SYNJ2: variants seen among roughly 807,000 people sequenced by gnomAD.
The protein encoded by SYNJ2 is synaptojanin 2.
A neutral mutation model predicts 141.3 loss-of-function variants in SYNJ2; 116 were observed. The observed-to-expected ratio is 0.82, with a 90% CI of 0.71 to 0.96. SYNJ2 has a LOEUF of 0.96. Ranked by LOEUF, SYNJ2 falls within the 40% of genes least tolerant of loss-of-function variation. The pLI, the probability that SYNJ2 is intolerant of heterozygous loss-of-function variation, is 0.00. For synonymous variants in SYNJ2, 745 were observed against 777.7 expected (o/e 0.96, Z 0.70); for missense variants, 1,873 against 1,934.8 (o/e 0.97, Z 0.60).
At chr6:157,986,997 C>A (rs888399272) in intron 1 of SYNJ2, among the ~76,000 whole-genome samples, 1 of 150,722 alleles carries the variant, frequency 6.6e-6, no homozygotes, top group Non-Finnish European at 1.5e-5. Context: ...AAATTATTAT[C>A]GTTTTTTGAG....
chr6:157,992,199 A>G (rs1347515764), intron 1 of SYNJ2, among the ~76,000 whole-genome samples: 1 of 152,086 alleles, frequency 6.6e-6, no homozygotes, highest in Admixed American at 6.6e-5. Context: ...GCTATCAAGT[A>G]CCAGTTCTTA....
chr6:158,079,052 C>T (rs543481736), intron 18 of SYNJ2: 24 of 152,520 alleles, frequency 1.6e-4, no homozygotes, highest in African/African-American at 5.1e-4. Context: ...ACCTTGGCCT[C>T]TCAAAGTGTT....
At chr6:158,023,264 TAAAAA>T (rs112882268) in intron 2 of SYNJ2, among the ~76,000 whole-genome samples, 1 of 125,376 alleles carries the variant, frequency 8.0e-6, no homozygotes, top group African/African-American at 2.9e-5. Flanking sequence ...TCTCTAAATT[TAAAAA>T]AAAAAAAAAA....
At chr6:157,994,929 A>T (rs1033562662) in intron 1 of SYNJ2, among the ~76,000 whole-genome samples, 1 of 151,990 alleles carries the variant, frequency 6.6e-6, no homozygotes, top group Admixed American at 6.6e-5. Context: ...GCCCTGCACC[A>T]CCTTGCTTTC....
intron 1 of SYNJ2, among the ~76,000 whole-genome samples, chr6:157,999,763 T>C (rs1438381170): frequency 6.6e-6 from 1 of 152,154 alleles, no homozygotes; most frequent in Non-Finnish European, 1.5e-5. Context: ...AGGGCAGGCA[T>C]CCCGGGCAGG....
chr6:158,092,671 G>A (rs1783538866), intron 25 of SYNJ2, among the ~76,000 whole-genome samples: 1 of 151,926 alleles, frequency 6.6e-6, no homozygotes, highest in African/African-American at 2.4e-5. Flanking sequence ...AGGCTGAAAT[G>A]GGAGAATTGC....
intron 5 of SYNJ2, among the ~76,000 whole-genome samples, chr6:158,048,943 G>A (rs1780405090): frequency 6.6e-6 from 1 of 152,194 alleles, no homozygotes; most frequent in Non-Finnish European, 1.5e-5. Flanking sequence ...AGAAGTCTAG[G>A]CAGTGTTAGT....
chr6:158,021,679 A>G (rs1021590888), intron 2 of SYNJ2, among the ~76,000 whole-genome samples: 1 of 152,204 alleles, frequency 6.6e-6, no homozygotes, highest in African/African-American at 2.4e-5. Context: ...ACAGGCTAGC[A>G]GAGGGCTGGT....
chr6:157,988,922 A>G (rs1777308141), intron 1 of SYNJ2, among the ~76,000 whole-genome samples: 1 of 152,180 alleles, frequency 6.6e-6, no homozygotes. Flanking sequence ...TTCAAAGTCC[A>G]TACGAAACAG....
chr6:158,086,905 T>G lies in SYNJ2; in HGVS notation c.3259T>G (p.Phe1087Val). The G allele has an allele frequency of 6.2e-7, 1 of 1,609,846 alleles. No individual in the cohort carries two copies. The highest frequency in any genetic ancestry group is 8.5e-7 in the Non-Finnish European group (1 of 1,179,962). ...GCGGGAGCTGGAAGCCGTCGGGGAGTTCCGCCACCGTTCTCCGAGCAGGTC... is the reference window on the plus strand; with the variant it reads ...GCGGGAGCTGGAAGCCGTCGGGGAGGTCCGCCACCGTTCTCCGAGCAGGTC... The part of the protein sequence containing the change: ...LKRELEAVGE[F>V]RHRSPSRSLS... Residue 1087 changes from phenylalanine to valine, a missense_variant, in exon 23 of 27, where the codon TTC becomes GTC. By Grantham distance (50) the Phe-to-Val change is conservative. Transcript: ENST00000355585.
At chr6:157,998,903 C>A (rs1017770027) in intron 1 of SYNJ2, among the ~76,000 whole-genome samples, 5 of 152,214 alleles carry the variant, frequency 3.3e-5, no homozygotes, top group Non-Finnish European at 5.9e-5. Context: ...AGGCCCCTGC[C>A]TCCCATTCCC....
At chr6:158,011,775 C>G (rs908481293) in intron 1 of SYNJ2, among the ~76,000 whole-genome samples, 27 of 152,250 alleles carry the variant, frequency 1.8e-4, no homozygotes, top group Non-Finnish European at 3.4e-4. Context: ...TTTATTTGGT[C>G]AGGCTTATTT....
At chr6:158,095,584 T>C (rs1267772188) in intron 26 of SYNJ2, 34 bp from the exon 27 acceptor site, 4 of 1,538,778 alleles carry the variant, frequency 2.6e-6, no homozygotes, top group Non-Finnish European at 3.5e-6. Flanking sequence ...GTTATTGGCT[T>C]CTTATTTACA....
chr6:158,007,418 C>G (rs1279416466), intron 1 of SYNJ2, among the ~76,000 whole-genome samples: 1 of 152,232 alleles, frequency 6.6e-6, no homozygotes, highest in Non-Finnish European at 1.5e-5. Flanking sequence ...AGCAGATGCT[C>G]TGCCCAGACC....
rs575332432 is a variant in SYNJ2 at position 158,043,187 on chromosome 6, G to A, written c.712-129G>A. ...ATTGCCGGATGGGGGAGCAGAGGAC[G>A]CCGGAGTCCACCGTCCGCCCTTCAT... On this transcript the variant is annotated intron_variant, in intron 4 of 26. Coordinates refer to ENST00000355585, the MANE Select transcript of SYNJ2 (RefSeq NM_003898.4). The surrounding 1 kb of genome is among the most constrained non-coding windows in gnomAD (Gnocchi z 4.0). 5.5e-5 allele frequency: 40 copies of A among 728,138 alleles called. No homozygotes were observed. The East Asian group carries it at 8.8e-4, about 16-fold the overall frequency. The allele number at this position is 728,138 out of a possible 1,614,324, so 45.1% of individuals were successfully genotyped here. A position where few individuals can be genotyped will look rare whatever the true frequency, so the allele number is the denominator to read the frequency against.
chr6:158,067,087 C>T (rs897014459), intron 12 of SYNJ2, among the ~76,000 whole-genome samples: 4 of 152,200 alleles, frequency 2.6e-5, no homozygotes, highest in African/African-American at 7.2e-5. Context: ...GACGCAATCT[C>T]GGCTCACTGC....
intron 6 of SYNJ2, among the ~76,000 whole-genome samples, chr6:158,056,091 CA>C (rs571665451): frequency 7.2e-5 from 11 of 152,228 alleles, no homozygotes; most frequent in African/African-American, 2.2e-4. Context: ...CAAAACAAAA[CA>C]AACAAAAAAC....
chr6:158,072,760 C>G (rs1782015837), intron 15 of SYNJ2, among the ~76,000 whole-genome samples: 1 of 150,804 alleles, frequency 6.6e-6, no homozygotes, highest in Non-Finnish European at 1.5e-5. Flanking sequence ...AAAGTCTAAC[C>G]CTTCTCACTT....
chr6:158,028,346 TG>T, intron 2 of SYNJ2: 2 of 197,318 alleles, frequency 1.0e-5, no homozygotes, highest in South Asian at 9.7e-5. Context: ...GAGGAGGCAC[TG>T]GGGAAGGTGA....
Sources: allele counts gnomAD v4.1 joint callset (sites outside exome capture counted in the v4.1 genomes callset), GRCh38; gene constraint gnomAD v4.1.1; non-coding constraint Gnocchi (gnomAD v3.1); transcripts MANE v1.5; gene names NCBI Gene and HGNC (gene_info 2026-07-23, HGNC 2026-07-21).